ARPP21: variants seen among roughly 807,000 people sequenced by gnomAD.
The protein encoded by ARPP21 is cAMP-regulated phosphoprotein 21.
Under a neutral mutation model 113.2 loss-of-function variants are expected in ARPP21, and 69 were observed. The ratio of observed to expected loss-of-function variants is 0.61; its 90% CI spans 0.50 to 0.74. The LOEUF is 0.74. Ranked by LOEUF, ARPP21 falls within the 30% of genes least tolerant of loss-of-function variation. The pLI is 0.00. For synonymous variants in ARPP21, 368 were observed against 375.5 expected, an observed-to-expected ratio of 0.98 and a Z score of 0.23; for missense variants, 1,070 against 1,037.4, an observed-to-expected ratio of 1.03 and a Z score of -0.43.
chr3:35,690,749 C>T, intron 8 of ARPP21, 116 bp from the exon 9 acceptor site: 3 of 930,280 alleles, frequency 3.2e-6, no homozygotes, highest in Non-Finnish European at 4.6e-6. Flanking sequence ...GCCAGAAATG[C>T]AATAGGCTTA....
intron 19 of ARPP21, among the ~76,000 whole-genome samples, chr3:35,764,985 C>T (rs1255887409): frequency 6.6e-6 from 1 of 152,042 alleles, no homozygotes; most frequent in Non-Finnish European, 1.5e-5. Context: ...GAAGTTATAA[C>T]ATCAGAACTA....
At chr3:35,683,946 T>C (rs1012372746) in intron 5 of ARPP21, 131 bp downstream of exon 5, 10 of 1,171,024 alleles carry the variant, frequency 8.5e-6, no homozygotes, top group African/African-American at 3.0e-5. Context: ...ATTTTTTGGC[T>C]TTATCCCCTG....
chr3:35,684,850 A>G, intron 5 of ARPP21: 1 of 983,680 alleles, frequency 1.0e-6, no homozygotes, highest in African/African-American at 1.7e-5. Context: ...GTCATAAGGC[A>G]TGGACAGGCT....
intron 19 of ARPP21, among the ~76,000 whole-genome samples, chr3:35,765,198 A>T (rs977803087): frequency 1.3e-5 from 2 of 152,116 alleles, no homozygotes; most frequent in Non-Finnish European, 2.9e-5. Flanking sequence ...TTGTTACCTT[A>T]AATATCCTGA....
rs1235804269 is a variant in ARPP21, at chr3:35,739,330, C to T, written c.1763C>T (p.Ala588Val). Residue 588 changes from alanine to valine, a missense_variant, in exon 18 of 21, where the codon GCA becomes GTA. Transcript: ENST00000684406. ...TQHFPMRDDVATQFGQMTLSR... is the reference protein window; with the variant it reads ...TQHFPMRDDVVTQFGQMTLSR... ...CATGACTTGCAGAGAGATGATGTGG[C>T]AACACAGTTTGGCCAGATGACCCTG... 2 of 1,613,852 alleles carry T rather than the reference C, an allele frequency of 1.2e-6. No homozygotes were observed. The highest frequency in any genetic ancestry group is 1.7e-6 in the Non-Finnish European group (2 of 1,179,872).
chr3:35,754,867 A>G (rs1158350631), intron 19 of ARPP21, among the ~76,000 whole-genome samples: 1 of 152,036 alleles, frequency 6.6e-6, no homozygotes, highest in Admixed American at 6.6e-5. Context: ...GATGGAAAGT[A>G]AGACAAATTA....
intron 11 of ARPP21, among the ~76,000 whole-genome samples, chr3:35,713,736 C>T (rs189180524): frequency 3.3e-5 from 5 of 152,238 alleles, no homozygotes; most frequent in African/African-American, 1.2e-4. Flanking sequence ...CTTTTTAATA[C>T]AGAGTTTGGG....
At chr3:35,716,174 T>G (rs1003558046) in intron 12 of ARPP21, among the ~76,000 whole-genome samples, 2 of 152,090 alleles carry the variant, frequency 1.3e-5, no homozygotes, top group African/African-American at 2.4e-5. Context: ...CCCCATTGAT[T>G]TAATTGCGGA....
intron 1 of ARPP21, among the ~76,000 whole-genome samples, chr3:35,653,052 T>C (rs1027327225): frequency 1.3e-5 from 2 of 152,074 alleles, no homozygotes; most frequent in African/African-American, 4.8e-5. Context: ...CTTTGGATTA[T>C]GTTTGATCAA....
In ARPP21 at chr3:35,709,079, T is replaced by A. The variant is rs762361874; in HGVS notation, c.897+9T>A. On this transcript the variant is annotated intron_variant, in intron 11 of 20. Coordinates refer to ENST00000684406, the MANE Select transcript of ARPP21 (RefSeq NM_001385562.1). ...GAATATTTGCACACGATGTGAGTAG[T>A]TGTTTTAATTGCCTCTTTAGTGCGC... 1 of 1,580,040 alleles carries A rather than the reference T, an allele frequency of 6.3e-7. No individual in the cohort carries two copies. Among genetic ancestry groups the A allele is most frequent in the Non-Finnish European group, 8.7e-7 (1 of 1,149,290 alleles).
intron 11 of ARPP21, among the ~76,000 whole-genome samples, chr3:35,711,015 T>C (rs979406596): frequency 6.6e-6 from 1 of 152,218 alleles, no homozygotes; most frequent in African/African-American, 2.4e-5. Context: ...AAATCTTAAA[T>C]GTCAAGCTAT....
intron 1 of ARPP21, among the ~76,000 whole-genome samples, chr3:35,664,204 A>C (rs889974141): frequency 3.3e-5 from 5 of 152,176 alleles, no homozygotes; most frequent in Non-Finnish European, 7.3e-5. Context: ...ATGGGGTATA[A>C]TGTGGTATTT....
intron 1 of ARPP21, among the ~76,000 whole-genome samples, chr3:35,651,396 T>C (rs1057016571): frequency 1.3e-5 from 2 of 152,104 alleles, no homozygotes; most frequent in African/African-American, 4.8e-5. Flanking sequence ...TCTTCCAGTT[T>C]ATAATTTCCA....
intron 16 of ARPP21, among the ~76,000 whole-genome samples, chr3:35,737,871 A>G (rs1221763545): frequency 6.6e-6 from 1 of 152,208 alleles, no homozygotes; most frequent in Non-Finnish European, 1.5e-5. Context: ...ATGCGTCCAT[A>G]GAAACCTGAA....
chr3:35,654,260 G>A (rs985530309), intron 1 of ARPP21, among the ~76,000 whole-genome samples: 2 of 151,944 alleles, frequency 1.3e-5, no homozygotes, highest in African/African-American at 2.4e-5. Context: ...TTTCCTAATG[G>A]ATTCACATGG....
intron 19 of ARPP21, among the ~76,000 whole-genome samples, chr3:35,752,034 T>C (rs1053442931): frequency 2.0e-5 from 3 of 152,048 alleles, no homozygotes; most frequent in African/African-American, 7.2e-5. Flanking sequence ...TCTTCCCAGA[T>C]AGAGAAGGTG....
At chr3:35,730,513 C>G (rs1343948085) in intron 15 of ARPP21, among the ~76,000 whole-genome samples, 1 of 152,128 alleles carries the variant, frequency 6.6e-6, no homozygotes, top group African/African-American at 2.4e-5. Flanking sequence ...GTTGGTGGTA[C>G]CATGGTTGAG....
rs1018128409 is a variant in ARPP21, at chr3:35,707,007, T to C, written c.720T>C (p.Asp240=). 6.2e-7 allele frequency: 1 copy of C among 1,613,846 alleles called. No homozygotes were observed. The highest frequency in any genetic ancestry group is 8.5e-7 in the Non-Finnish European group (1 of 1,179,898). ...PEQRFCEHLK[D]EKGEESQKRF... is the part of the protein sequence containing the mutation. ...AAAGGTTTTGTGAACATTTAAAAGA[T>C]GAAAAAGGTGAAGAATCCCAGAAGC... is the stretch of plus-strand genomic sequence containing the variant. The change falls in exon 10 of 21, where the codon GAT becomes GAC. Residue 240 remains aspartate, a synonymous_variant. Coordinates refer to ENST00000684406, the MANE Select transcript of ARPP21 (RefSeq NM_001385562.1).
chr3:35,650,010 T>C (rs1270787321), intron 1 of ARPP21, among the ~76,000 whole-genome samples: 1 of 152,120 alleles, frequency 6.6e-6, no homozygotes, highest in African/African-American at 2.4e-5. Context: ...CCATCCACTT[T>C]AAACACACAC....
Sources: gnomAD v4.1 joint callset for allele counts (sites outside exome capture counted in the v4.1 genomes callset) on GRCh38, gnomAD v4.1.1 for gene constraint, MANE v1.5 for transcripts, NCBI Gene and HGNC (gene_info 2026-07-23, HGNC 2026-07-21) for gene names.